The following UBE2U variants were observed in gnomAD, a reference collection of about 807,000 sequenced individuals.
The protein encoded by UBE2U is ubiquitin conjugating enzyme E2 U.
In UBE2U, 39 loss-of-function variants were observed where a neutral mutation model predicts 41.2. The ratio of observed to expected loss-of-function variants is 0.95; its 90% CI spans 0.73 to 1.24. UBE2U has a LOEUF of 1.24. Among genes scored for constraint, UBE2U ranks in the 50% most tolerant of loss-of-function variants. The probability of loss-of-function intolerance (pLI) is 0.00; values close to 1 mark genes in which losing one functional copy is unlikely to be tolerated. For missense variants in UBE2U, 336 were observed against 363.1 expected, an observed-to-expected ratio of 0.93 and a Z score of 0.61; for synonymous variants, 107 against 117.8, an observed-to-expected ratio of 0.91 and a Z score of 0.60.
chr1:64,244,670 G>T (rs1644891251), intron 8 of UBE2U, among the ~76,000 whole-genome samples: 1 of 152,070 alleles, frequency 6.6e-6, no homozygotes. Context: ...TTTTTGTAGA[G>T]ACAGTCACTG....
At chr1:64,244,539 C>G (rs565800827) in intron 8 of UBE2U, among the ~76,000 whole-genome samples, 9 of 152,220 alleles carry the variant, frequency 5.9e-5, no homozygotes, top group African/African-American at 2.2e-4. Flanking sequence ...CCTATCATAA[C>G]TACATTTATT....
chr1:64,251,327 A>G (rs150927521), intron 8 of UBE2U, among the ~76,000 whole-genome samples: 2 of 152,192 alleles, frequency 1.3e-5, no homozygotes, highest in African/African-American at 4.8e-5. Context: ...CATCATGACT[A>G]TATGGAGTTT....
chr1:64,257,926 C>A (rs967358710), intron 8 of UBE2U, among the ~76,000 whole-genome samples: 3 of 150,240 alleles, frequency 2.0e-5, no homozygotes, highest in Non-Finnish European at 3.0e-5. Flanking sequence ...AAAAAAAAAA[C>A]TCTCAGTAAA....
At chr1:64,252,161 C>T (rs139426224) in intron 8 of UBE2U, among the ~76,000 whole-genome samples, 50 of 152,232 alleles carry the variant, frequency 3.3e-4, no homozygotes, top group South Asian at 6.2e-4. Context: ...CTTCTTTAAG[C>T]GAGATCCCAG....
chr1:64,230,526 T>C (rs1035419844), intron 6 of UBE2U, among the ~76,000 whole-genome samples: 1 of 152,188 alleles, frequency 6.6e-6, no homozygotes, highest in African/African-American at 2.4e-5. Context: ...TGTGTACATA[T>C]GTGCACGCCA....
intron 6 of UBE2U, among the ~76,000 whole-genome samples, chr1:64,222,966 T>C (rs530092581): frequency 3.2e-4 from 48 of 152,276 alleles, no homozygotes; most frequent in African/African-American, 1.0e-3. Context: ...TGTTCAGGAA[T>C]TGAAGGTGAC....
chr1:64,243,019 A>G (rs1644861420), intron 8 of UBE2U, among the ~76,000 whole-genome samples: 1 of 152,174 alleles, frequency 6.6e-6, no homozygotes, highest in Admixed American at 6.6e-5. Flanking sequence ...GAACCGTGTC[A>G]TTTTCAATTT....
intron 6 of UBE2U, among the ~76,000 whole-genome samples, chr1:64,230,450 C>T (rs1644540579): frequency 6.6e-6 from 1 of 152,200 alleles, no homozygotes; most frequent in Non-Finnish European, 1.5e-5. Flanking sequence ...TCAATTCCAA[C>T]TCCTGTGAAT....
At chr1:64,234,972 G>A (rs1014935521) in intron 7 of UBE2U, among the ~76,000 whole-genome samples, 2 of 152,110 alleles carry the variant, frequency 1.3e-5, no homozygotes, top group African/African-American at 4.8e-5. Flanking sequence ...TTACAGGAGG[G>A]TGCTTTCTAG....
intron 8 of UBE2U, among the ~76,000 whole-genome samples, chr1:64,259,433 T>A (rs1645147898): frequency 6.6e-6 from 1 of 152,166 alleles, no homozygotes; most frequent in South Asian, 2.1e-4. Flanking sequence ...CTAGATTTTC[T>A]TCTAGGGTTT....
intron 9 of UBE2U, among the ~76,000 whole-genome samples, chr1:64,266,762 C>G (rs920673716): frequency 6.6e-6 from 1 of 152,176 alleles, no homozygotes; most frequent in Non-Finnish European, 1.5e-5. Flanking sequence ...TGCACATCAA[C>G]TGGCCCTTAG....
Position 64,260,643 on chromosome 1 carries a change from C to T in UBE2U, c.718C>T (p.Pro240Ser), listed in dbSNP as rs373969704. 5.1e-4 allele frequency: 793 copies of T among 1,549,496 alleles called. 4 individuals are homozygous for T. In the African/African-American group the frequency reaches 9.7e-3, roughly 19 times the overall value. Residue 240 changes from proline to serine, a missense_variant, in exon 9 of 10, where the codon CCT (proline) becomes TCT (serine). Physicochemically the swap from Pro to Ser is moderately conservative, Grantham distance 74. Coordinates refer to ENST00000371077, the MANE Select transcript of UBE2U (RefSeq NM_001366232.2). ...GTGTTGGCTTGCTAGAAAAAGAATG[C>T]CTCATGAAGTCACTCACTCAATGGA... ...IKCWLARKRM[P>S]HEVTHSMEEI...
intron 8 of UBE2U, among the ~76,000 whole-genome samples, chr1:64,254,246 C>G (rs1245011349): frequency 6.6e-6 from 1 of 152,116 alleles, no homozygotes; most frequent in Non-Finnish European, 1.5e-5. Flanking sequence ...ACAGGAGCAC[C>G]AAGATTCATA....
intron 6 of UBE2U, among the ~76,000 whole-genome samples, chr1:64,222,733 T>G (rs1652575646): frequency 6.6e-6 from 1 of 152,238 alleles, no homozygotes; most frequent in African/African-American, 2.4e-5. Flanking sequence ...AATAAGATCT[T>G]GCAGAAATTA....
chr1:64,229,106 G>A (rs577106369), intron 6 of UBE2U, among the ~76,000 whole-genome samples: 1 of 151,412 alleles, frequency 6.6e-6, no homozygotes, highest in South Asian at 2.1e-4. Flanking sequence ...TGATCTGCCC[G>A]CCTCAGCTTC....
chr1:64,230,201 A>G (rs531737067), intron 6 of UBE2U, among the ~76,000 whole-genome samples: 3 of 152,264 alleles, frequency 2.0e-5, no homozygotes, highest in African/African-American at 7.2e-5. Flanking sequence ...TTAATCCCTG[A>G]ATTACTGCGT....
At chr1:64,261,542 G>A (rs114735138) in intron 9 of UBE2U, among the ~76,000 whole-genome samples, 3,413 of 152,222 alleles carry the variant, frequency 0.022, 72 homozygotes, top group Admixed American at 0.042. Flanking sequence ...CCCTGCCCCC[G>A]TATCTCCAAG....
chr1:64,237,970 G>C (rs1644700712), intron 7 of UBE2U, among the ~76,000 whole-genome samples: 1 of 152,190 alleles, frequency 6.6e-6, no homozygotes, highest in Admixed American at 6.5e-5. Flanking sequence ...ATTCGTGAGA[G>C]ATTAAATTTT....
chr1:64,239,126 GA>G (rs1260958815), intron 7 of UBE2U, among the ~76,000 whole-genome samples: 6 of 22,868 alleles, frequency 2.6e-4, no homozygotes, highest in Non-Finnish European at 2.9e-4. Context: ...AGAAGAAGAA[GA>G]AGAAGAAGAA....
Sources: gnomAD v4.1 joint callset for allele counts (sites outside exome capture counted in the v4.1 genomes callset) on GRCh38, gnomAD v4.1.1 for gene constraint, MANE v1.5 for transcripts, NCBI Gene and HGNC (gene_info 2026-07-23, HGNC 2026-07-21) for gene names.